Variants in RNF144A observed in about 807,000 individuals in gnomAD.
RNF144A encodes the protein E3 ubiquitin-protein ligase RNF144A.
In RNF144A, 11 loss-of-function variants were observed where a neutral mutation model predicts 38.7. That is an observed-to-expected ratio of 0.28 (90% CI 0.18 to 0.47). RNF144A has a LOEUF of 0.47. RNF144A is among the 20% of genes least tolerant of loss of function. The probability of loss-of-function intolerance (pLI) is 0.99; values close to 1 mark genes in which losing one functional copy is unlikely to be tolerated. For synonymous variants in RNF144A, 149 were observed against 143.9 expected, an observed-to-expected ratio of 1.04 and a Z score of -0.25; for missense variants, 316 against 377.2, an observed-to-expected ratio of 0.84 and a Z score of 1.34.
intron 2 of RNF144A, among the ~76,000 whole-genome samples, chr2:6,946,899 T>C (rs941199187): frequency 2.6e-5 from 4 of 152,192 alleles, no homozygotes; most frequent in Non-Finnish European, 4.4e-5. Context: ...TTTACATATC[T>C]GGTGGTTCCC....
intron 3 of RNF144A, among the ~76,000 whole-genome samples, chr2:7,008,845 C>T (rs1362270868): frequency 1.3e-5 from 2 of 152,242 alleles, no homozygotes; most frequent in African/African-American, 4.8e-5. Context: ...CACCCCAGGT[C>T]CCTGCATGCC....
chr2:7,031,020 G>A (rs1672261808), intron 8 of RNF144A, among the ~76,000 whole-genome samples: 1 of 152,166 alleles, frequency 6.6e-6, no homozygotes, highest in South Asian at 2.1e-4. Context: ...CTGACAGGAG[G>A]TGGGGCTCAG....
chr2:6,955,496 A>G (rs1291263506), intron 2 of RNF144A, among the ~76,000 whole-genome samples: 1 of 152,192 alleles, frequency 6.6e-6, no homozygotes. Flanking sequence ...TTCTCAGCCC[A>G]TTCCAGGCCC....
chr2:6,996,086 T>C (rs1161343146), intron 2 of RNF144A, among the ~76,000 whole-genome samples: 1 of 152,192 alleles, frequency 6.6e-6, no homozygotes, highest in Non-Finnish European at 1.5e-5. Flanking sequence ...CATGTGGTCC[T>C]TGTGCCTTGT....
chr2:6,951,561 G>C (rs555494902), intron 2 of RNF144A, among the ~76,000 whole-genome samples: 1 of 152,208 alleles, frequency 6.6e-6, no homozygotes, highest in African/African-American at 2.4e-5. Context: ...AGAAAGAATT[G>C]GCATATTCTG....
At chr2:6,984,098 T>G (rs771943288) in intron 2 of RNF144A, among the ~76,000 whole-genome samples, 1 of 152,046 alleles carries the variant, frequency 6.6e-6, no homozygotes, top group Non-Finnish European at 1.5e-5. Context: ...CAGTGCACAG[T>G]CTCAGCCCCA....
chr2:7,014,422 T>A (rs376868993), intron 3 of RNF144A, 32 bp from the exon 4 acceptor site: 1 of 1,425,868 alleles, frequency 7.0e-7, no homozygotes, highest in Non-Finnish European at 9.9e-7. Flanking sequence ...GAGGTAAAGA[T>A]GTTTATAGAC....
intron 6 of RNF144A, among the ~76,000 whole-genome samples, chr2:7,049,217 A>G (rs923720683): frequency 2.6e-5 from 4 of 152,182 alleles, no homozygotes; most frequent in Non-Finnish European, 5.9e-5. Context: ...AGAGGAGGGT[A>G]AGGGATGAGA....
chr2:7,006,444 C>A (rs1393982613), intron 3 of RNF144A, among the ~76,000 whole-genome samples: 4 of 152,098 alleles, frequency 2.6e-5, no homozygotes, highest in Admixed American at 6.5e-5. Flanking sequence ...GTCACCAGGA[C>A]CTGTGTTTTG....
At chr2:7,005,603 G>A (rs886261758) in intron 3 of RNF144A, among the ~76,000 whole-genome samples, 4 of 152,256 alleles carry the variant, frequency 2.6e-5, no homozygotes, top group East Asian at 1.9e-4. Context: ...AGTCTGTTCC[G>A]TGTTCCCAGA....
chr2:7,012,380 G>T (rs973278281), intron 3 of RNF144A, among the ~76,000 whole-genome samples: 1 of 152,204 alleles, frequency 6.6e-6, no homozygotes, highest in African/African-American at 2.4e-5. Flanking sequence ...AGTGCAGGGA[G>T]ATGGGCCTTC....
chr2:6,940,538 C>A (rs1665898208), intron 1 of RNF144A, among the ~76,000 whole-genome samples: 1 of 151,782 alleles, frequency 6.6e-6, no homozygotes, highest in East Asian at 1.9e-4. Context: ...TTATTTTTAT[C>A]CTCTTTTAAT....
chr2:6,947,526 C>CAT (rs1666416697), intron 2 of RNF144A, among the ~76,000 whole-genome samples: 1 of 152,064 alleles, frequency 6.6e-6, no homozygotes, highest in Non-Finnish European at 1.5e-5. Flanking sequence ...AAAGTTTCTA[C>CAT]ATATATAAAA....
At chr2:6,964,677 G>C (rs1667542174) in intron 2 of RNF144A, among the ~76,000 whole-genome samples, 1 of 152,098 alleles carries the variant, frequency 6.6e-6, no homozygotes, top group Admixed American at 6.6e-5. Context: ...GTAGGGACAT[G>C]GATGAAATTG....
At chr2:6,976,910 C>T (rs16865768) in intron 2 of RNF144A, among the ~76,000 whole-genome samples, 3,861 of 152,122 alleles carry the variant, frequency 0.025, 146 homozygotes, top group African/African-American at 0.088. Context: ...TGGTCTGATA[C>T]GCCTTTGAAA....
At chr2:6,986,281 T>C (rs1258029064) in intron 2 of RNF144A, among the ~76,000 whole-genome samples, 1 of 151,932 alleles carries the variant, frequency 6.6e-6, no homozygotes, top group Admixed American at 6.6e-5. Flanking sequence ...CGGAGGCCCA[T>C]TTCCACCCGA....
At chr2:7,070,938 T>C (rs1011504752), downstream of RNF144A, among the ~76,000 whole-genome samples, 1 of 149,274 alleles carries the variant, frequency 6.7e-6, no homozygotes, top group Non-Finnish European at 1.5e-5. Flanking sequence ...CTGAGTTTTT[T>C]TTTTTTTTTT....
intron 2 of RNF144A, among the ~76,000 whole-genome samples, chr2:6,953,771 C>T (rs1261947170): frequency 3.9e-5 from 6 of 152,122 alleles, no homozygotes; most frequent in African/African-American, 1.4e-4. Flanking sequence ...AGATTGTTTG[C>T]AGTACCTTTC....
intron 8 of RNF144A, among the ~76,000 whole-genome samples, chr2:7,032,676 C>T (rs1318678963): frequency 6.6e-6 from 1 of 152,218 alleles, no homozygotes; most frequent in South Asian, 2.1e-4. Context: ...TTGTCCAAAT[C>T]CCCCCTTTCT....
Sources: gnomAD v4.1 joint callset for allele counts (sites outside exome capture counted in the v4.1 genomes callset) on GRCh38, gnomAD v4.1.1 for gene constraint, MANE v1.5 for transcripts, NCBI Gene and HGNC (gene_info 2026-07-23, HGNC 2026-07-21) for gene names.